The following CMSS1 variants were observed in gnomAD, a reference collection of about 807,000 sequenced individuals.
CMSS1 encodes cms1 ribosomal small subunit homolog.
CMSS1 carries 33 observed loss-of-function variants against 43.5 expected under a neutral mutation model. That is an observed-to-expected ratio of 0.76 (90% CI 0.57 to 1.01). The LOEUF is 1.01. CMSS1 is among the 50% of genes least tolerant of loss of function. CMSS1 has a pLI of 0.00. For synonymous variants in CMSS1, 115 were observed against 117.2 expected, an observed-to-expected ratio of 0.98 and a Z score of 0.12; for missense variants, 313 against 326.4, an observed-to-expected ratio of 0.96 and a Z score of 0.32.
intron 2 of CMSS1, among the ~76,000 whole-genome samples, chr3:100,156,402 A>G (rs1467143765): frequency 1.6e-5 from 2 of 128,930 alleles, no homozygotes; most frequent in Non-Finnish European, 3.1e-5. Flanking sequence ...TGTGCCTCCC[A>G]GGTTCAAGAG....
intron 1 of CMSS1, among the ~76,000 whole-genome samples, chr3:99,871,240 G>T (rs908242647): frequency 2.0e-5 from 3 of 152,104 alleles, no homozygotes; most frequent in Admixed American, 2.0e-4. Flanking sequence ...TAGTGGCTGA[G>T]ATTTGTTTTC....
At chr3:99,925,125 A>G (rs1024849688) in intron 1 of CMSS1, among the ~76,000 whole-genome samples, 7 of 152,192 alleles carry the variant, frequency 4.6e-5, no homozygotes, top group African/African-American at 1.4e-4. Flanking sequence ...CTGTACCAGT[A>G]TATGCCTCTT....
intron 1 of CMSS1, among the ~76,000 whole-genome samples, chr3:100,134,719 G>A (rs1196212964): frequency 6.6e-6 from 1 of 152,074 alleles, no homozygotes; most frequent in African/African-American, 2.4e-5. Flanking sequence ...TTAGGTTTAG[G>A]TTTTTTTGGA....
At chr3:100,028,916 C>CAT (rs991568004) in intron 1 of CMSS1, among the ~76,000 whole-genome samples, 3 of 152,130 alleles carry the variant, frequency 2.0e-5, no homozygotes, top group African/African-American at 7.2e-5. Context: ...CACACACACA[C>CAT]ATATAAACAT....
intron 1 of CMSS1, among the ~76,000 whole-genome samples, chr3:99,958,542 G>A (rs1708404030): frequency 6.6e-6 from 1 of 152,154 alleles, no homozygotes; most frequent in Non-Finnish European, 1.5e-5. Context: ...GCCACAGAAG[G>A]GTAGGAGGAA....
chr3:100,080,088 T>G (rs902998863), intron 1 of CMSS1, among the ~76,000 whole-genome samples: 6 of 152,152 alleles, frequency 3.9e-5, no homozygotes, highest in Admixed American at 2.0e-4. Flanking sequence ...TTTTAACTTT[T>G]ACTCCATCCC....
chr3:99,834,963 C>T (rs1010600825), intron 1 of CMSS1, among the ~76,000 whole-genome samples: 1 of 152,188 alleles, frequency 6.6e-6, no homozygotes, highest in Non-Finnish European at 1.5e-5. Context: ...GTCCCTGGCC[C>T]ATCTAAAGTT....
intron 1 of CMSS1, among the ~76,000 whole-genome samples, chr3:100,144,628 G>T (rs1005393485): frequency 6.6e-6 from 1 of 152,214 alleles, no homozygotes; most frequent in African/African-American, 2.4e-5. Flanking sequence ...TCTGTCTTTG[G>T]TGGTGAGGAT....
chr3:99,917,508 T>C (rs146935534), intron 1 of CMSS1, among the ~76,000 whole-genome samples: 301 of 152,346 alleles, frequency 2.0e-3, no homozygotes, highest in African/African-American at 6.8e-3. Flanking sequence ...TTGGTGACTT[T>C]TTTTTATCTT....
At chr3:99,952,415 T>G (rs2107690395) in intron 1 of CMSS1, among the ~76,000 whole-genome samples, 1 of 152,270 alleles carries the variant, frequency 6.6e-6, no homozygotes, top group East Asian at 1.9e-4. Context: ...ACAGAATAAT[T>G]TTCTGGCTGA....
chr3:99,879,378 G>A (rs1490909923), intron 1 of CMSS1, among the ~76,000 whole-genome samples: 2 of 152,180 alleles, frequency 1.3e-5, no homozygotes, highest in African/African-American at 2.4e-5. Context: ...ACATTAACAG[G>A]TGTTATTAGT....
chr3:100,100,438 A>G (rs1169792887), intron 1 of CMSS1, among the ~76,000 whole-genome samples: 2 of 152,170 alleles, frequency 1.3e-5, no homozygotes, highest in Admixed American at 6.5e-5. Context: ...GATTTTACAG[A>G]TTAGGTCATA....
At chr3:99,947,163 A>G (rs2107683658) in intron 1 of CMSS1, among the ~76,000 whole-genome samples, 1 of 150,994 alleles carries the variant, frequency 6.6e-6, no homozygotes, top group East Asian at 1.9e-4. Flanking sequence ...AAAAAGTAAT[A>G]ATATATTCAG....
At chr3:99,899,338 T>TA (rs1156784976) in intron 1 of CMSS1, among the ~76,000 whole-genome samples, 5 of 152,220 alleles carry the variant, frequency 3.3e-5, no homozygotes, top group African/African-American at 1.2e-4. Flanking sequence ...GGTCATTTCT[T>TA]ATTATGATGC....
intron 2 of CMSS1, among the ~76,000 whole-genome samples, chr3:100,148,208 A>G (rs2066870891): frequency 6.6e-6 from 1 of 152,090 alleles, no homozygotes; most frequent in African/African-American, 2.4e-5. Flanking sequence ...TCTCCTGAGC[A>G]GCTGGGACTA....
At chr3:100,156,622 G>A (rs2066977049) in intron 2 of CMSS1, among the ~76,000 whole-genome samples, 1 of 148,192 alleles carries the variant, frequency 6.7e-6, no homozygotes, top group South Asian at 2.2e-4. Flanking sequence ...GTTTGTTTTT[G>A]TTTTTGTTTT....
chr3:100,151,891 TC>T (rs1329375050), intron 2 of CMSS1, among the ~76,000 whole-genome samples: 1 of 152,184 alleles, frequency 6.6e-6, no homozygotes, highest in Non-Finnish European at 1.5e-5. Context: ...TTGGGGCTCC[TC>T]AGTTTTAATT....
intron 1 of CMSS1, among the ~76,000 whole-genome samples, chr3:99,962,918 TG>T (rs1232739467): frequency 6.6e-6 from 1 of 152,226 alleles, no homozygotes; most frequent in Non-Finnish European, 1.5e-5. Flanking sequence ...GGAATGTTCA[TG>T]GCCGAGATAA....
intron 1 of CMSS1, among the ~76,000 whole-genome samples, chr3:100,003,383 G>A (rs1284463729): frequency 2.6e-5 from 4 of 152,198 alleles, no homozygotes; most frequent in Non-Finnish European, 5.9e-5. Flanking sequence ...TTACGTGGTT[G>A]TTTTGTCTTC....
Sources: gnomAD v4.1 joint callset for allele counts (sites outside exome capture counted in the v4.1 genomes callset) on GRCh38, gnomAD v4.1.1 for gene constraint, MANE v1.5 for transcripts, NCBI Gene and HGNC (gene_info 2026-07-23, HGNC 2026-07-21) for gene names.